NLRP2: variants seen among roughly 807,000 people sequenced by gnomAD.
The protein encoded by NLRP2 is NACHT, LRR and PYD domains-containing protein 2.
A neutral mutation model predicts 97.2 loss-of-function variants in NLRP2; 107 were observed. The observed-to-expected ratio is 1.10, with a 90% CI of 0.94 to 1.29. The LOEUF (loss-of-function observed/expected upper bound fraction) is 1.29, where lower values mean the gene tolerates loss of function less well. Ranked by LOEUF, NLRP2 falls within the 50% of genes most tolerant of loss-of-function variation. The pLI, the probability that NLRP2 is intolerant of heterozygous loss-of-function variation, is 0.00. For missense variants in NLRP2, 1,495 were observed against 1,330.3 expected, an observed-to-expected ratio of 1.12 and a Z score of -1.93; for synonymous variants, 663 against 551.5, an observed-to-expected ratio of 1.20 and a Z score of -2.83.
chr19:54,991,917 C>T, intron 10 of NLRP2, among the ~76,000 whole-genome samples: 1 of 136,884 alleles, frequency 7.3e-6, no homozygotes, highest in Non-Finnish European at 1.6e-5. Flanking sequence ...ATGTTAACAT[C>T]TCTGGTATTT....
chr19:54,995,118 A>G (rs1233263286), intron 11 of NLRP2, among the ~76,000 whole-genome samples: 1 of 137,490 alleles, frequency 7.3e-6, no homozygotes, highest in East Asian at 2.4e-4. Context: ...GCTCAAGACC[A>G]GCCTGGCCAA....
Position 54,987,942 on chromosome 19 carries a change from G to T in NLRP2, c.2366+1627G>T, listed in dbSNP as rs141669761. Among the ~76,000 whole-genome samples, 674 of 152,140 alleles carry T rather than the reference G, an allele frequency of 4.4e-3. 3 individuals carry two copies. The highest frequency in any genetic ancestry group is 0.016 in the African/African-American group (645 of 41,518). On this transcript the variant is annotated intron_variant, in intron 8 of 12. Transcript: ENST00000448584. ...CCTGTAATCCCAGCTACTCATGGAG[G>T]CTGATGCAAGAGAATTGCTTGAACC...
chr19:54,977,956 C>G (rs2071351953), intron 4 of NLRP2, 133 bp downstream of exon 4: 1 of 838,806 alleles, frequency 1.2e-6, no homozygotes, highest in African/African-American at 1.7e-5. Flanking sequence ...CCCACTGTCT[C>G]CTGGAGAATG....
At chr19:54,986,804 T>C (rs2072122309) in intron 8 of NLRP2, among the ~76,000 whole-genome samples, 1 of 151,114 alleles carries the variant, frequency 6.6e-6, no homozygotes, top group South Asian at 2.1e-4. Context: ...CTCCTCAGGC[T>C]CCCAAAGTGC....
At chr19:54,976,939 C>A (rs2071277983) in intron 3 of NLRP2, 4 of 384,278 alleles carry the variant, frequency 1.0e-5, no homozygotes, top group South Asian at 3.9e-5. Context: ...CTCAGCCTCG[C>A]AAGTAGCTGG....
chr19:54,990,115 C>A lies in NLRP2; in HGVS notation c.2460C>A (p.Asp820Glu). ...CCCTGACGTGCGTAAACCTCTCCGA[C>A]AATGAGCTTCTGGATGAGGGTGCTA... is the stretch of plus-strand genomic sequence containing the variant. Reference protein sequence around the residue: ...NQSLTCVNLSDNELLDEGAKL... With the variant: ...NQSLTCVNLSENELLDEGAKL... The change falls in exon 9 of 13, where the codon GAC (aspartate) becomes GAA (glutamate). Residue 820 changes from aspartate (D) to glutamate (E), a missense_variant. Asp to Glu is a conservative substitution (Grantham distance 45, BLOSUM62 2). Transcript: ENST00000448584. The A allele has an allele frequency of 6.2e-7, 1 of 1,614,160 alleles. No homozygotes were observed. The highest frequency in any genetic ancestry group is 8.5e-7 in the Non-Finnish European group (1 of 1,180,030).
At chr19:54,973,258 A>G (rs189405498) in intron 2 of NLRP2, among the ~76,000 whole-genome samples, 157 of 149,782 alleles carry the variant, frequency 1.0e-3, no homozygotes, top group African/African-American at 3.5e-3. Flanking sequence ...AGGAACTCCT[A>G]TCTTTTTATT....
chr19:54,985,376 C>T (rs1272174738), intron 7 of NLRP2, among the ~76,000 whole-genome samples, 159 bp downstream of exon 7: 3 of 151,918 alleles, frequency 2.0e-5, no homozygotes, highest in South Asian at 2.1e-4. Flanking sequence ...GTGGGATAAT[C>T]GTATAAAGTA....
At chr19:54,978,724 G>A (rs2071397059) in intron 4 of NLRP2, among the ~76,000 whole-genome samples, 1 of 151,424 alleles carries the variant, frequency 6.6e-6, no homozygotes, top group African/African-American at 2.4e-5. Context: ...GCACCCGCCT[G>A]TAGTCCCAGC....
chr19:55,000,559 G>A (rs1560714), intron 12 of NLRP2, among the ~76,000 whole-genome samples: 145,994 of 148,804 alleles, frequency 0.98, 71,626 homozygotes, highest in East Asian at 1. Flanking sequence ...AATTACAGGC[G>A]TGAGCCATCA....
intron 11 of NLRP2, among the ~76,000 whole-genome samples, chr19:54,996,041 AAAAAAAAAAAAAC>A (rs931264427): frequency 5.5e-5 from 8 of 146,200 alleles, no homozygotes; most frequent in African/African-American, 2.1e-4. Flanking sequence ...CTGTCTCAAA[AAAAAAAAAAAAAC>A]AAAAAAAACA....
chr19:54,985,388 T>C (rs1421768939), intron 7 of NLRP2, among the ~76,000 whole-genome samples, 171 bp downstream of exon 7: 2 of 151,812 alleles, frequency 1.3e-5, no homozygotes, highest in Non-Finnish European at 2.9e-5. Context: ...TATAAAGTAA[T>C]TTCTAGGGGC....
rs200971977 is a variant in NLRP2, at chr19:54,981,580, A to T, written c.398-37A>T. The stretch of plus-strand genomic sequence containing the variant: ...TGGGACTCCACAGGAAATACACCTG[A>T]TTTTGTGTCAATCTCACATGAGTTT... On this transcript the variant is annotated intron_variant, in intron 4 of 12. Coordinates refer to ENST00000448584, the MANE Select transcript of NLRP2 (RefSeq NM_017852.5). 1.9e-4 allele frequency: 233 copies of T among 1,226,558 alleles called. 1 individual carries two copies. The highest frequency in any genetic ancestry group is 8.5e-5 in the Non-Finnish European group (73 of 855,048). The allele number at this position is 1,226,558 out of a possible 1,614,324, so 76.0% of individuals were successfully genotyped here. A position where few individuals can be genotyped will look rare whatever the true frequency, so the allele number is the denominator to read the frequency against.
At chr19:54,980,207 G>GT (rs11288227) in intron 4 of NLRP2, among the ~76,000 whole-genome samples, 8,156 of 148,216 alleles carry the variant, frequency 0.055, 489 homozygotes, top group African/African-American at 0.15. Context: ...GTTTTGTTTT[G>GT]TTTTTTTTTT....
intron 10 of NLRP2, 140 bp from the exon 11 acceptor site, chr19:54,994,126 TCCA>T (rs747239596): frequency 1.5e-5 from 14 of 908,786 alleles, no homozygotes; most frequent in South Asian, 5.5e-5. Context: ...CATTCTTCTG[TCCA>T]CCACACCACC....
intron 1 of NLRP2, among the ~76,000 whole-genome samples, chr19:54,968,220 G>C (rs185994378): frequency 1.3e-4 from 19 of 151,282 alleles, no homozygotes; most frequent in Non-Finnish European, 2.7e-4. Flanking sequence ...ACCCGGCCCT[G>C]TTGTTTTTAA....
intron 10 of NLRP2, among the ~76,000 whole-genome samples, chr19:54,992,815 T>C (rs988824949): frequency 4.0e-5 from 6 of 151,898 alleles, no homozygotes; most frequent in African/African-American, 9.7e-5. Context: ...CACCTCAGCC[T>C]CCCAAAGTGC....
chr19:54,970,308 C>G lies in NLRP2; in HGVS notation c.280+13C>G, dbSNP rs762491395. 2 of 1,613,938 alleles carry G rather than the reference C, an allele frequency of 1.2e-6. No homozygotes were observed. The highest frequency in any genetic ancestry group is 1.7e-6 in the Non-Finnish European group (2 of 1,179,866). ...GATGAAGTCAGAGGTGAGTGGAAAT[C>G]GGTCCACACTGTGTCCTAGGAGGAA... On this transcript the variant is annotated intron_variant, in intron 2 of 12. Transcript: ENST00000448584.
Position 54,985,173 on chromosome 19 carries a change from G to A in NLRP2, c.2157G>A (p.Leu719=), listed in dbSNP as rs768001998. The change falls in exon 7 of 13, where the codon CTG becomes CTA. Residue 719 remains leucine (L), a synonymous_variant. Transcript: ENST00000448584. ...TCAGTGCCTCCCTAGTAAGGATCCTGTGTGAACAAATAGCCTCTGACACCT... is the reference window on the plus strand; with the variant it reads ...TCAGTGCCTCCCTAGTAAGGATCCTATGTGAACAAATAGCCTCTGACACCT... ...SFLSASLVRI[L]CEQIASDTCH... is the part of the protein sequence containing the mutation. 5 of 1,614,088 alleles carry A rather than the reference G, an allele frequency of 3.1e-6. No homozygotes were observed. Among genetic ancestry groups the A allele is most frequent in the South Asian group, 2.2e-5 (2 of 91,086 alleles).
Sources: gnomAD v4.1 joint callset for allele counts (sites outside exome capture counted in the v4.1 genomes callset) on GRCh38, gnomAD v4.1.1 for gene constraint, MANE v1.5 for transcripts, NCBI Gene and HGNC (gene_info 2026-07-23, HGNC 2026-07-21) for gene names.